INPP4B: variants seen among roughly 807,000 people sequenced by gnomAD.
The protein encoded by INPP4B is inositol polyphosphate 4-phosphatase type II.
A neutral mutation model predicts 122.5 loss-of-function variants in INPP4B; 55 were observed. The observed-to-expected ratio is 0.45, with a 90% confidence interval of 0.36 to 0.56. INPP4B has a LOEUF of 0.56. INPP4B is among the 20% of genes least tolerant of loss of function. INPP4B has a pLI of 0.00. For missense variants in INPP4B, 1,000 were observed against 1,097.7 expected, an observed-to-expected ratio of 0.91 and a Z score of 1.26; for synonymous variants, 403 against 388.7, an observed-to-expected ratio of 1.04 and a Z score of -0.43.
chr4:142,238,832 AT>A (rs1857831270), intron 11 of INPP4B, among the ~76,000 whole-genome samples: 1 of 152,132 alleles, frequency 6.6e-6, no homozygotes, highest in African/African-American at 2.4e-5. Context: ...CTTTCAAGTC[AT>A]CAGGGGAGAA....
intron 12 of INPP4B, among the ~76,000 whole-genome samples, chr4:142,213,974 C>T (rs1181245055): frequency 6.6e-6 from 1 of 152,182 alleles, no homozygotes; most frequent in Non-Finnish European, 1.5e-5. Flanking sequence ...GACACCTCTT[C>T]ATGATATATG....
At chr4:142,243,040 G>A (rs536863861) in intron 11 of INPP4B, among the ~76,000 whole-genome samples, 15 of 152,148 alleles carry the variant, frequency 9.9e-5, no homozygotes, top group Admixed American at 2.6e-4. Flanking sequence ...GAAGAGAGCA[G>A]GTACACCACC....
intron 1 of INPP4B, among the ~76,000 whole-genome samples, chr4:142,793,118 GTTTA>G (rs891338697): frequency 1.6e-5 from 2 of 125,752 alleles, no homozygotes; most frequent in Non-Finnish European, 3.4e-5. Context: ...AATTACACAC[GTTTA>G]TTTGTTTAAT....
intron 4 of INPP4B, among the ~76,000 whole-genome samples, chr4:142,429,970 T>C (rs1376926421): frequency 6.6e-6 from 1 of 152,062 alleles, no homozygotes; most frequent in Admixed American, 6.6e-5. Flanking sequence ...CGGGAGGCCA[T>C]TTGTTACAAC....
chr4:142,361,569 C>T (rs753559679), intron 7 of INPP4B, among the ~76,000 whole-genome samples: 16 of 151,936 alleles, frequency 1.1e-4, no homozygotes, highest in Non-Finnish European at 1.5e-4. Flanking sequence ...CAAGTTTCCA[C>T]TTGAATATTA....
chr4:142,691,408 A>C (rs1462712694), intron 2 of INPP4B, among the ~76,000 whole-genome samples: 2 of 152,162 alleles, frequency 1.3e-5, no homozygotes, highest in Admixed American at 6.5e-5. Context: ...ATGCCCTAGA[A>C]AAATTTCCCC....
intron 2 of INPP4B, among the ~76,000 whole-genome samples, chr4:142,592,917 A>T (rs923977494): frequency 1.3e-5 from 2 of 152,068 alleles, no homozygotes; most frequent in Non-Finnish European, 2.9e-5. Flanking sequence ...CCTGGGCAAC[A>T]TAGTGAGACC....
chr4:142,258,290 T>A (rs1412640760), intron 11 of INPP4B, among the ~76,000 whole-genome samples: 3 of 152,058 alleles, frequency 2.0e-5, no homozygotes, highest in Non-Finnish European at 2.9e-5. Context: ...GACACAGGCA[T>A]GGGCAAGGAC....
chr4:142,125,013 C>T (rs1447644390), intron 18 of INPP4B, among the ~76,000 whole-genome samples: 4 of 152,142 alleles, frequency 2.6e-5, no homozygotes, highest in African/African-American at 9.7e-5. Flanking sequence ...CTTCTCTGCT[C>T]ATCTCTAATC....
chr4:142,097,196 C>T (rs866836365), intron 23 of INPP4B, among the ~76,000 whole-genome samples: 8 of 138,168 alleles, frequency 5.8e-5, no homozygotes, highest in Admixed American at 2.2e-4. Flanking sequence ...AAAAGTCAGC[C>T]ATGTCCATTT....
chr4:142,048,745 C>T (rs1286742983), intron 25 of INPP4B, among the ~76,000 whole-genome samples: 2 of 151,912 alleles, frequency 1.3e-5, no homozygotes, highest in African/African-American at 2.4e-5. Flanking sequence ...ATTGCAAGAT[C>T]ATAGTATTAT....
intron 21 of INPP4B, among the ~76,000 whole-genome samples, chr4:142,116,270 A>C (rs1793338078): frequency 6.6e-6 from 1 of 152,122 alleles, no homozygotes; most frequent in African/African-American, 2.4e-5. Context: ...GAAAGTTAAC[A>C]AGGATATCCA....
chr4:142,219,253 T>G (rs75286401), intron 12 of INPP4B, among the ~76,000 whole-genome samples: 4,436 of 152,278 alleles, frequency 0.029, 202 homozygotes, highest in African/African-American at 0.1. Context: ...CAGGATTTAG[T>G]TGCAATCACA....
At chr4:142,117,488 G>A (rs549475721) in intron 21 of INPP4B, among the ~76,000 whole-genome samples, 2 of 152,192 alleles carry the variant, frequency 1.3e-5, no homozygotes, top group South Asian at 2.1e-4. Flanking sequence ...TTCATCCCTG[G>A]GATGTAAGGC....
intron 22 of INPP4B, among the ~76,000 whole-genome samples, chr4:142,110,234 T>G (rs1015045808): frequency 6.6e-6 from 1 of 152,062 alleles, no homozygotes; most frequent in African/African-American, 2.4e-5. Context: ...AGAGGTTATG[T>G]GAGCATATAG....
chr4:142,432,497 A>T (rs562085291), intron 3 of INPP4B, among the ~76,000 whole-genome samples: 5 of 152,284 alleles, frequency 3.3e-5, no homozygotes, highest in Non-Finnish European at 1.5e-5. Flanking sequence ...TTCTGGGGGT[A>T]GAAGGCTATT....
chr4:142,679,807 C>T (rs1758350446), intron 2 of INPP4B, among the ~76,000 whole-genome samples: 1 of 151,616 alleles, frequency 6.6e-6, no homozygotes, highest in African/African-American at 2.4e-5. Context: ...TAATGATCAC[C>T]ATCATTTACC....
chr4:142,715,467 A>C (rs1425369835), intron 2 of INPP4B, among the ~76,000 whole-genome samples: 1 of 152,234 alleles, frequency 6.6e-6, no homozygotes, highest in East Asian at 1.9e-4. Context: ...CCAGCTTTTT[A>C]ATAGGGGGCA....
At chr4:142,743,349 T>C (rs935509024) in intron 1 of INPP4B, among the ~76,000 whole-genome samples, 5 of 151,872 alleles carry the variant, frequency 3.3e-5, no homozygotes, top group Admixed American at 1.3e-4. Context: ...CTGAAGTGAA[T>C]GGAATATGCA....
Sources: allele counts gnomAD v4.1 joint callset (sites outside exome capture counted in the v4.1 genomes callset), GRCh38; gene constraint gnomAD v4.1.1; transcripts MANE v1.5; gene names NCBI Gene and HGNC (gene_info 2026-07-23, HGNC 2026-07-21).